The following MLIP variants were observed in gnomAD, a reference collection of about 807,000 sequenced individuals.
MLIP encodes the protein muscular LMNA-interacting protein.
A neutral mutation model predicts 84.8 loss-of-function variants in MLIP; 79 were observed. The ratio of observed to expected loss-of-function variants is 0.93; its 90% CI spans 0.78 to 1.12. The LOEUF is 1.12. Among genes scored for constraint, MLIP ranks in the 50% most tolerant of loss-of-function variants. The pLI is 0.00. For synonymous variants in MLIP, 504 were observed against 463.0 expected, an observed-to-expected ratio of 1.09 and a Z score of -1.14; for missense variants, 1,257 against 1,160.6, an observed-to-expected ratio of 1.08 and a Z score of -1.21.
intron 4 of MLIP, among the ~76,000 whole-genome samples, chr6:54,145,336 A>T (rs1055720810): frequency 1.3e-5 from 2 of 152,222 alleles, no homozygotes; most frequent in African/African-American, 2.4e-5. Context: ...TAGATCGAGT[A>T]CATATTGTTA....
chr6:54,261,731 A>G, intron 13 of MLIP: 1 of 985,228 alleles, frequency 1.0e-6, no homozygotes, highest in Non-Finnish European at 1.2e-6. Flanking sequence ...GAGAAAATAA[A>G]TTACTTGCCC....
At chr6:54,218,978 C>A (rs1467602501) in intron 11 of MLIP, among the ~76,000 whole-genome samples, 1 of 150,448 alleles carries the variant, frequency 6.6e-6, no homozygotes, top group African/African-American at 2.5e-5. Flanking sequence ...CTGAAGCAGG[C>A]GGATCATGAG....
At chr6:54,253,833 G>A (rs781747589) in intron 12 of MLIP, among the ~76,000 whole-genome samples, 2 of 152,094 alleles carry the variant, frequency 1.3e-5, no homozygotes, top group Non-Finnish European at 2.9e-5. Flanking sequence ...GTGAACAAAG[G>A]TTGGGTTAAT....
chr6:54,258,410 T>C (rs986683556), intron 13 of MLIP, among the ~76,000 whole-genome samples: 12 of 152,102 alleles, frequency 7.9e-5, no homozygotes, highest in Middle Eastern at 3.2e-3. Context: ...ACATTAGTCA[T>C]TAAAATATAA....
chr6:54,142,500 A>G lies in MLIP; in HGVS notation c.2217+4214A>G, dbSNP rs960588500. 2.0e-5 allele frequency among the ~76,000 whole-genome samples: 3 copies of G among 152,194 alleles called. No homozygotes were observed. In the East Asian group the frequency reaches 5.8e-4, roughly 29 times the overall value. On this transcript the variant is annotated intron_variant, in intron 4 of 13. Transcript: ENST00000502396. Reference sequence around the variant, plus strand: ...ATAGTGAGGAAGATGCTCTGAGGCCAGAGAGTGCTTGACAGGTACAAAGAA... The same window carrying G: ...ATAGTGAGGAAGATGCTCTGAGGCCGGAGAGTGCTTGACAGGTACAAAGAA...
intron 1 of MLIP, among the ~76,000 whole-genome samples, chr6:54,054,905 T>G (rs1765567961): frequency 6.6e-6 from 1 of 151,218 alleles, no homozygotes; most frequent in African/African-American, 2.5e-5. Context: ...TTTTTTTTTT[T>G]GAGACGGAGT....
intron 4 of MLIP, among the ~76,000 whole-genome samples, chr6:54,146,015 A>C (rs747919917): frequency 6.6e-6 from 1 of 152,142 alleles, no homozygotes; most frequent in Non-Finnish European, 1.5e-5. Context: ...CATTGCTTAC[A>C]ATGACAAACC....
At chr6:54,199,549 G>T (rs368251578) in intron 10 of MLIP, among the ~76,000 whole-genome samples, 23 of 152,270 alleles carry the variant, frequency 1.5e-4, no homozygotes, top group African/African-American at 5.5e-4. Context: ...AGGTGCAGAG[G>T]CTACCATGCA....
At chr6:54,088,532 G>T (rs1477186146) in intron 1 of MLIP, among the ~76,000 whole-genome samples, 1 of 152,130 alleles carries the variant, frequency 6.6e-6, no homozygotes, top group Non-Finnish European at 1.5e-5. Flanking sequence ...AGGGGTCAAA[G>T]AACATTCCAA....
chr6:54,222,769 T>C (rs1780303430), intron 11 of MLIP, among the ~76,000 whole-genome samples: 1 of 152,058 alleles, frequency 6.6e-6, no homozygotes. Flanking sequence ...ATGGTAGCCA[T>C]ATTTTAAATT....
chr6:54,033,694 C>G (rs1425650917), intron 1 of MLIP, among the ~76,000 whole-genome samples: 1 of 152,098 alleles, frequency 6.6e-6, no homozygotes, highest in Admixed American at 6.5e-5. Context: ...GGCCCAGAAC[C>G]TCAGCTCCCC....
chr6:54,064,846 G>T (rs1213469246), intron 1 of MLIP, among the ~76,000 whole-genome samples: 2 of 97,934 alleles, frequency 2.0e-5, no homozygotes, highest in African/African-American at 5.2e-5. Flanking sequence ...TCTTCCTTTA[G>T]ATATATATAT....
At chr6:54,249,710 A>AACACACACACACAC (rs147266668) in intron 12 of MLIP, among the ~76,000 whole-genome samples, 1 of 147,026 alleles carries the variant, frequency 6.8e-6, no homozygotes, top group Non-Finnish European at 1.5e-5. Context: ...GGAAATGAGG[A>AACACACACACACAC]ACACACACAC....
chr6:54,176,413 T>G (rs974405655), intron 9 of MLIP, among the ~76,000 whole-genome samples: 2 of 152,182 alleles, frequency 1.3e-5, no homozygotes, highest in African/African-American at 4.8e-5. Context: ...TTTGATTTCA[T>G]TAGTTGTTAT....
intron 9 of MLIP, among the ~76,000 whole-genome samples, chr6:54,185,392 T>A (rs1252327020): frequency 6.6e-6 from 1 of 152,208 alleles, no homozygotes; most frequent in Non-Finnish European, 1.5e-5. Flanking sequence ...GAGTTCATAA[T>A]ACTGGATGAA....
chr6:54,102,090 A>T (rs1032985989), intron 1 of MLIP, among the ~76,000 whole-genome samples: 15 of 152,168 alleles, frequency 9.9e-5, no homozygotes, highest in Admixed American at 9.2e-4. Context: ...TAAGGCTGGC[A>T]GAAGCAGGGA....
intron 1 of MLIP, among the ~76,000 whole-genome samples, chr6:54,079,939 C>G (rs1418558723): frequency 2.0e-5 from 3 of 152,188 alleles, no homozygotes; most frequent in African/African-American, 7.2e-5. Context: ...TTGACGTTTA[C>G]TGGAGGTTAG....
chr6:54,238,844 T>G (rs1781534769), intron 12 of MLIP, among the ~76,000 whole-genome samples: 1 of 152,218 alleles, frequency 6.6e-6, no homozygotes, highest in South Asian at 2.1e-4. Context: ...TCATGCCAAG[T>G]TTGTGACAGT....
At chr6:54,144,101 A>G (rs1320584458) in intron 4 of MLIP, among the ~76,000 whole-genome samples, 1 of 152,130 alleles carries the variant, frequency 6.6e-6, no homozygotes, top group Non-Finnish European at 1.5e-5. Context: ...CTTTTCCATT[A>G]TCAGGATCAT....
Sources: allele counts gnomAD v4.1 joint callset (sites outside exome capture counted in the v4.1 genomes callset), GRCh38; gene constraint gnomAD v4.1.1; transcripts MANE v1.5; gene names NCBI Gene and HGNC (gene_info 2026-07-23, HGNC 2026-07-21).